The following TSC1 variants were observed in gnomAD, a reference collection of about 807,000 sequenced individuals.
TSC1 encodes hamartin.
Under a neutral mutation model 124.3 loss-of-function variants are expected in TSC1, and 20 were observed. The ratio of observed to expected loss-of-function variants is 0.16; its 90% CI spans 0.11 to 0.23. The LOEUF (loss-of-function observed/expected upper bound fraction) is 0.23, where lower values mean the gene tolerates loss of function less well. Ranked by LOEUF, TSC1 falls within the 10% of genes least tolerant of loss-of-function variation. The probability of loss-of-function intolerance (pLI) is 1.00; values close to 1 mark genes in which losing one functional copy is unlikely to be tolerated. For synonymous variants in TSC1, 493 were observed against 539.1 expected (o/e 0.91, Z 1.19); for missense variants, 1,124 against 1,448.5 (o/e 0.78, Z 3.64).
At position 132,897,262 on chromosome 9, in the gene TSC1, T is replaced by C. The variant is rs762213436; in HGVS notation, c.2897A>G (p.Tyr966Cys). The change falls in exon 22 of 23, where the codon TAT (tyrosine) becomes TGT (cysteine). Residue 966 changes from tyrosine to cysteine, a missense_variant. Physicochemically the swap from Tyr to Cys is radical, Grantham distance 194. Transcript: ENST00000298552. Reference sequence around the variant, plus strand: ...GAGGCCATCTTTCTCCAACCTGCCATATAAATCTAAGATCTCCAATTCAAA... The same window carrying C: ...GAGGCCATCTTTCTCCAACCTGCCACATAAATCTAAGATCTCCAATTCAAA... ...QVFELEILDL[Y>C]GRLEKDGLLK... The C allele has an allele frequency of 4.3e-6, 7 of 1,614,258 alleles. No individual in the cohort carries two copies. Among genetic ancestry groups the C allele is most frequent in the South Asian group, 1.1e-5 (1 of 91,084 alleles).
rs1227198324 is a variant in TSC1, at chr9:132,897,275, T to G, written c.2884A>C (p.Ile962Leu). 40 of 1,614,162 alleles carry G rather than the reference T, an allele frequency of 2.5e-5. No individual in the cohort carries two copies. The highest frequency in any genetic ancestry group is 3.3e-5 in the Non-Finnish European group (39 of 1,180,038). Residue 962 changes from isoleucine (I) to leucine (L), a missense_variant, in exon 22 of 23, where the codon ATC becomes CTC. By Grantham distance (5) the Ile-to-Leu change is conservative (BLOSUM62 2). Coordinates refer to ENST00000298552, the MANE Select transcript of TSC1 (RefSeq NM_000368.5). The part of the protein sequence containing the change: ...KRITQVFELE[I>L]LDLYGRLEKD... ...TCCAACCTGCCATATAAATCTAAGA[T>G]CTCCAATTCAAACACCTGGGTTATC...
At chr9:132,912,218 A>T (rs1031815167) in intron 9 of TSC1, 64 bp downstream of exon 9, 4 of 1,599,000 alleles carry the variant, frequency 2.5e-6, no homozygotes, top group Admixed American at 3.3e-5. Flanking sequence ...AAAATCAACA[A>T]AGACAAATAA....
chr9:132,940,432 C>T (rs1213504172), intron 1 of TSC1, among the ~76,000 whole-genome samples: 1 of 152,172 alleles, frequency 6.6e-6, no homozygotes, highest in East Asian at 1.9e-4. Context: ...CATAGCTTCC[C>T]ACAGATTTTC....
chr9:132,942,041 C>G (rs1239533596), intron 1 of TSC1: 1 of 152,114 alleles, frequency 6.6e-6, no homozygotes, highest in East Asian at 1.9e-4. Flanking sequence ...CAATTAATTC[C>G]AGGAAAAGCT....
At position 132,928,762 on chromosome 9, in the gene TSC1, C is replaced by T. The variant is rs1554820973; in HGVS notation, c.106+5G>A. 1.5e-5 allele frequency: 24 copies of T among 1,613,978 alleles called. No homozygotes were observed. The highest frequency in any genetic ancestry group is 2.0e-5 in the Non-Finnish European group (24 of 1,179,986). On this transcript the variant is annotated splice_donor_5th_base_variant and intron_variant, in intron 3 of 22. Transcript: ENST00000298552. ...ATAAGCTAAAAAGGATATTATTTTG[C>T]TAACCAGAATTGAGGTTCTCTTTAA...
Position 132,920,419 on chromosome 9 carries a change from T to C in TSC1, c.737+944A>G, listed in dbSNP as rs775810529. On this transcript the variant is annotated intron_variant, in intron 8 of 22. Coordinates refer to ENST00000298552, the MANE Select transcript of TSC1 (RefSeq NM_000368.5). ...AGAGGGGTTCTCCACGGGGAGCCTC[T>C]AAGGTACCAGTAATGTTCTGTTTTT... Among the ~76,000 whole-genome samples, 165 of 152,150 alleles carry C rather than the reference T, an allele frequency of 1.1e-3. 1 individual carries two copies. Among genetic ancestry groups the C allele is most frequent in the Non-Finnish European group, 6.0e-4 (41 of 68,030 alleles).
At chr9:132,900,905 C>G (rs1341813723) in intron 19 of TSC1, 68 bp from the exon 20 acceptor site, 1 of 1,608,632 alleles carries the variant, frequency 6.2e-7, no homozygotes. Context: ...CGTCATTAAA[C>G]AGGGAATCAG....
rs541493521 is a variant in TSC1 at position 132,926,929 on chromosome 9, G to A, written c.210+272C>T. On this transcript the variant is annotated intron_variant, in intron 4 of 22. Coordinates refer to ENST00000298552, the MANE Select transcript of TSC1 (RefSeq NM_000368.5). ...TGACCTCAGGCAATCCACCCGCCTC[G>A]GCCTCCTAAGGGGATTACAGGCGTG... 1.3e-3 allele frequency: 538 copies of A among 403,350 alleles called. 14 individuals carry two copies. Among genetic ancestry groups the A allele is most frequent in the Non-Finnish European group, 3.2e-4 (68 of 213,480 alleles). The allele number at this position is 403,350 out of a possible 1,614,324, so 25.0% of individuals were successfully genotyped here.
Position 132,892,388 on chromosome 9 carries a change from A to G in TSC1, c.*3847T>C. The G allele has an allele frequency of 4.3e-6, 1 of 233,370 alleles. No homozygotes were observed. Among genetic ancestry groups the G allele is most frequent in the East Asian group, 6.0e-5 (1 of 16,596 alleles). 14.5% of individuals were successfully genotyped at this position (233,370 alleles called of 1,614,324 possible). On this transcript the variant is annotated 3_prime_UTR_variant, in exon 23 of 23. Transcript: ENST00000298552. Reference sequence around the variant, plus strand: ...ATCTTCAGACTGGATACATTTTTCCAATACTTGTTGCGGGTCGGTTTTAAA... The same window carrying G: ...ATCTTCAGACTGGATACATTTTTCCGATACTTGTTGCGGGTCGGTTTTAAA...
intron 3 of TSC1, among the ~76,000 whole-genome samples, chr9:132,928,398 T>A (rs1414965102): frequency 2.0e-5 from 3 of 152,186 alleles, no homozygotes; most frequent in African/African-American, 7.2e-5. Flanking sequence ...CAAAAAAGGG[T>A]ACTATTTAAA....
rs377001111 is a variant in TSC1, at chr9:132,928,892, G to A, written c.-20C>T. Reference sequence around the variant, plus strand: ...GGCCATTCTCTCGCTCGAAGGCGCTGTGCTGGCTCCAGGACGTGTGCTACA... The same window carrying A: ...GGCCATTCTCTCGCTCGAAGGCGCTATGCTGGCTCCAGGACGTGTGCTACA... On this transcript the variant is annotated 5_prime_UTR_variant, in exon 3 of 23. Coordinates refer to ENST00000298552, the MANE Select transcript of TSC1 (RefSeq NM_000368.5). 13 of 1,613,700 alleles carry A rather than the reference G, an allele frequency of 8.1e-6. No homozygotes were observed. The highest frequency in any genetic ancestry group is 1.7e-4 in the Middle Eastern group (1 of 5,902).
rs143422206 is a variant in TSC1 at position 132,906,461 on chromosome 9, A to G, written c.1438+270T>C. ...CTACTCAGGAGGCTGAGGTGGGCGG[A>G]TTGCTTGAGCCTGGGAGGTCAAGGC... On this transcript the variant is annotated intron_variant, in intron 14 of 22. Coordinates refer to ENST00000298552, the MANE Select transcript of TSC1 (RefSeq NM_000368.5). The surrounding 1 kb of genome is among the most constrained non-coding windows in gnomAD (Gnocchi z 4.1). 1,676 of 514,316 alleles carry G rather than the reference A, an allele frequency of 3.3e-3. 13 individuals are homozygous for G. The highest frequency in any genetic ancestry group is 0.021 in the African/African-American group (1,107 of 51,524). 31.9% of individuals were successfully genotyped at this position (514,316 alleles called of 1,614,324 possible).
rs1340221704 is a variant in TSC1, at chr9:132,894,554, AC to A, written c.*1680del. 1 of 228,538 alleles carries A rather than the reference AC, an allele frequency of 4.4e-6. No individual in the cohort carries two copies. The highest frequency in any genetic ancestry group is 8.7e-6 in the Non-Finnish European group (1 of 114,822). The allele number at this position is 228,538 out of a possible 1,614,324, so 14.2% of individuals were successfully genotyped here. A position where few individuals can be genotyped will look rare whatever the true frequency, so the allele number is the denominator to read the frequency against. On this transcript the variant is annotated 3_prime_UTR_variant, in exon 23 of 23. Transcript: ENST00000298552. Reference sequence around the variant, plus strand: ...TGTGCTAGGCTGAGTAGTTGGGACCACGCCCTGCCACAGGCTGGGAATCAGT... The same window carrying A: ...TGTGCTAGGCTGAGTAGTTGGGACCAGCCCTGCCACAGGCTGGGAATCAGT...
intron 20 of TSC1, among the ~76,000 whole-genome samples, chr9:132,898,157 C>G (rs1845185784): frequency 1.3e-5 from 2 of 152,220 alleles, no homozygotes; most frequent in African/African-American, 2.4e-5. Context: ...GACAATAGCG[C>G]AGGTGAGGCT....
chr9:132,913,074 G>A (rs944747899), intron 8 of TSC1, among the ~76,000 whole-genome samples: 20 of 151,974 alleles, frequency 1.3e-4, no homozygotes, highest in African/African-American at 4.8e-4. Context: ...AAGTAGCTGG[G>A]ACTACAGGCA....
intron 1 of TSC1, among the ~76,000 whole-genome samples, chr9:132,939,488 T>G (rs899897628): frequency 1.3e-5 from 2 of 152,234 alleles, no homozygotes; most frequent in Non-Finnish European, 2.9e-5. Context: ...ATGGATGGTT[T>G]GCTAAAGCTT....
chr9:132,930,588 A>AG (rs1847151481), intron 2 of TSC1, among the ~76,000 whole-genome samples: 1 of 32,332 alleles, frequency 3.1e-5, no homozygotes, highest in South Asian at 1.4e-3. Context: ...ACTCTGCCTC[A>AG]AAAAAAAAAA....
In TSC1 at chr9:132,901,478, T is replaced by G. The variant is rs190907455; in HGVS notation, c.2502+111A>C. ...TGGGGGCAGCAGAACCACTTCCTGT[T>G]GGGAACCCATGACACAGACACTCAA... On this transcript the variant is annotated intron_variant, in intron 19 of 22. Coordinates refer to ENST00000298552, the MANE Select transcript of TSC1 (RefSeq NM_000368.5). 5.6e-5 allele frequency: 57 copies of G among 1,016,708 alleles called. No homozygotes were observed. The African/African-American group carries it at 6.4e-4, about 11-fold the overall frequency. 63.0% of individuals were successfully genotyped at this position (1,016,708 alleles called of 1,614,324 possible).
Position 132,896,147 on chromosome 9 carries a change from C to T in TSC1, c.*88G>A. 5.6e-6 allele frequency: 9 copies of T among 1,593,010 alleles called. No individual in the cohort carries two copies. Among genetic ancestry groups the T allele is most frequent in the Non-Finnish European group, 7.7e-6 (9 of 1,165,728 alleles). On this transcript the variant is annotated 3_prime_UTR_variant, in exon 23 of 23. Transcript: ENST00000298552. The surrounding 1 kb of genome is among the most constrained non-coding windows in gnomAD (Gnocchi z 4.5). ...CCACACATGAACTTGCACTCAGACC[C>T]TGGAAACAGGAAAGCTTTGAAACGT...
Sources: allele counts gnomAD v4.1 joint callset (sites outside exome capture counted in the v4.1 genomes callset), GRCh38; gene constraint gnomAD v4.1.1; non-coding constraint Gnocchi (gnomAD v3.1); transcripts MANE v1.5; gene names NCBI Gene and HGNC (gene_info 2026-07-23, HGNC 2026-07-21).